Variants in MYO18B observed in about 807,000 individuals in gnomAD.
The protein encoded by MYO18B is myosin XVIIIB.
A neutral mutation model predicts 273.0 loss-of-function variants in MYO18B; 204 were observed. The observed-to-expected ratio is 0.75, with a 90% CI of 0.67 to 0.84. MYO18B has a LOEUF of 0.84. Among genes scored for constraint, MYO18B ranks in the 40% least tolerant of loss-of-function variants. The pLI is 0.00. For missense variants in MYO18B, 3,212 were observed against 3,287.6 expected (o/e 0.98, Z 0.56); for synonymous variants, 1,330 against 1,305.7 (o/e 1.02, Z -0.40).
intron 42 of MYO18B, among the ~76,000 whole-genome samples, chr22:26,019,601 T>C (rs1569300801): frequency 6.6e-6 from 1 of 152,232 alleles, no homozygotes; most frequent in Non-Finnish European, 1.5e-5. Context: ...AGACTCTCTG[T>C]TGTTATTTTG....
the MYO18B span, among the ~76,000 whole-genome samples, chr22:26,062,812 G>A: frequency 1.1e-4 from 16 of 152,118 alleles, no homozygotes; most frequent in African/African-American, 3.4e-4. Flanking sequence ...CCCTGTGCTT[G>A]GTATTCTGTC....
At chr22:25,905,491 A>T (rs2092024678) in intron 31 of MYO18B, among the ~76,000 whole-genome samples, 1 of 152,176 alleles carries the variant, frequency 6.6e-6, no homozygotes, top group African/African-American at 2.4e-5. Flanking sequence ...TCTGGTCGTG[A>T]CAGCAGGGTT....
At chr22:26,042,925 G>A in the MYO18B span, among the ~76,000 whole-genome samples, 3 of 152,266 alleles carry the variant, frequency 2.0e-5, no homozygotes, top group South Asian at 6.2e-4. Flanking sequence ...TAATTTTTTT[G>A]TTGAGATCTA....
At chr22:26,057,587 C>T in the MYO18B span, among the ~76,000 whole-genome samples, 45 of 151,384 alleles carry the variant, frequency 3.0e-4, no homozygotes, top group Non-Finnish European at 5.2e-4. Context: ...TATTCTTAAC[C>T]ATGCTACAGT....
intron 42 of MYO18B, 69 bp downstream of exon 42, chr22:26,004,924 G>T: frequency 6.3e-7 from 1 of 1,584,614 alleles, no homozygotes; most frequent in Non-Finnish European, 8.6e-7. Context: ...GAAAGTTGTT[G>T]TTCAAGTCTT....
chr22:25,826,487 C>T lies in MYO18B; in HGVS notation c.2774C>T (p.Ser925Leu), dbSNP rs9624909. The change falls in exon 14 of 44, where the codon TCA (serine) becomes TTA (leucine). Residue 925 changes from serine to leucine, a missense_variant. Ser to Leu is a moderately radical substitution (Grantham distance 145, BLOSUM62 -2). Transcript: ENST00000335473. ...LYQELFAAVVSLINRSFSSHH... is the reference protein window; with the variant it reads ...LYQELFAAVVLLINRSFSSHH... ...CAGGAACTCTTTGCGGCTGTGGTCT[C>T]ACTCATCAACAGGTAACGGGGCCTT... The T allele has an allele frequency of 0.21, 341,738 of 1,612,254 alleles. 38,668 individuals carry two copies. Among genetic ancestry groups the T allele is most frequent in the Non-Finnish European group, 0.23 (269,568 of 1,178,686 alleles).
At chr22:25,805,022 C>T (rs1008769568) in intron 12 of MYO18B, among the ~76,000 whole-genome samples, 1 of 152,126 alleles carries the variant, frequency 6.6e-6, no homozygotes. Context: ...TCTCTCAGCT[C>T]CTCTGGTGTC....
In MYO18B at chr22:25,777,040, G is replaced by A. The variant is rs75040939; in HGVS notation, c.1870-543G>A. On this transcript the variant is annotated intron_variant, in intron 7 of 43. Transcript: ENST00000335473. ...ATCCATTTTGTGTTATGCTGTGCCCGAGTGCCTGCTGCATAGTAGACACTC... is the reference window on the plus strand; with the variant it reads ...ATCCATTTTGTGTTATGCTGTGCCCAAGTGCCTGCTGCATAGTAGACACTC... 8.0e-3 allele frequency among the ~76,000 whole-genome samples: 1,215 copies of A among 152,226 alleles called. 19 individuals carry two copies. Among genetic ancestry groups the A allele is most frequent in the African/African-American group, 0.028 (1,162 of 41,524 alleles).
At chr22:25,776,460 T>C (rs1042166633) in intron 7 of MYO18B, among the ~76,000 whole-genome samples, 1 of 152,140 alleles carries the variant, frequency 6.6e-6, no homozygotes, top group African/African-American at 2.4e-5. Flanking sequence ...TAGCCAGGCA[T>C]GGTGGTGCAC....
intron 12 of MYO18B, among the ~76,000 whole-genome samples, chr22:25,809,990 A>G (rs1437383252): frequency 2.2e-5 from 3 of 136,944 alleles, no homozygotes; most frequent in Non-Finnish European, 4.7e-5. Flanking sequence ...CCAGAAGAAT[A>G]GAAAGTTTAA....
chr22:25,955,353 T>G lies in MYO18B; in HGVS notation c.6145T>G (p.Cys2049Gly), dbSNP rs754052138. The change falls in exon 39 of 44, where the codon TGC (cysteine) becomes GGC (glycine). Residue 2049 changes from cysteine (C) to glycine (G), a missense_variant. Physicochemically the swap from Cys to Gly is radical, Grantham distance 159 (BLOSUM62 -3). Coordinates refer to ENST00000335473, the MANE Select transcript of MYO18B (RefSeq NM_032608.7). ...GCGGGAGGCAGAGGCCAGCCGGCGG[T>G]GCATGGAGCTGGTGAGTCCTGTCCC... ...VQREAEASRR[C>G]MELEKYVEEL... The G allele has an allele frequency of 5.6e-6, 9 of 1,612,808 alleles. No homozygotes were observed. The South Asian group carries it at 7.7e-5, about 14-fold the overall frequency.
In MYO18B at chr22:25,876,499, C is replaced by G. The variant is rs540701287; in HGVS notation, c.4224+167C>G. On this transcript the variant is annotated intron_variant, in intron 24 of 43. Coordinates refer to ENST00000335473, the MANE Select transcript of MYO18B (RefSeq NM_032608.7). ...AGATGTTCCTCTGCCTCCAACAACA[C>G]AGACAATCCTCCATCCCATGCCCAG... Among the ~76,000 whole-genome samples the G allele has an allele frequency of 2.4e-3, 367 of 152,296 alleles. 1 individual carries two copies. The highest frequency in any genetic ancestry group is 8.6e-3 in the African/African-American group (356 of 41,562).
intron 32 of MYO18B, among the ~76,000 whole-genome samples, chr22:25,910,047 A>G (rs1265978243): frequency 6.6e-6 from 1 of 152,196 alleles, no homozygotes; most frequent in Non-Finnish European, 1.5e-5. Context: ...GCACAGCCAC[A>G]GTAGGGTGTT....
chr22:25,984,390 T>TC lies in MYO18B; in HGVS notation c.6157-7973_6157-7972insC, dbSNP rs542070868. Among the ~76,000 whole-genome samples the TC allele has an allele frequency of 1.3e-4, 20 of 152,316 alleles. 1 individual carries two copies. Among genetic ancestry groups the TC allele is most frequent in the Admixed American group, 1.2e-3 (18 of 15,296 alleles). On this transcript the variant is annotated intron_variant, in intron 39 of 43. Transcript: ENST00000335473. Reference sequence around the variant, plus strand: ...TTCAGCTTCACTCGGATCCACACAATACTCACCAATCTTTAAGGAGAAATA... The same window carrying TC: ...TTCAGCTTCACTCGGATCCACACAATCACTCACCAATCTTTAAGGAGAAATA...
At position 25,902,606 on chromosome 22, in the gene MYO18B, T is replaced by C. The variant is rs748156171; in HGVS notation, c.4824-7T>C. ...CGGGGCCCTGACACGTGCTCTGCTT[T>C]GCACAGGTTTGACCTGCAGCTGGCC... On this transcript the variant is annotated splice_polypyrimidine_tract_variant and splice_region_variant and intron_variant, in intron 29 of 43. Transcript: ENST00000335473. 33 of 1,606,210 alleles carry C rather than the reference T, an allele frequency of 2.1e-5. No homozygotes were observed. The Admixed American group carries it at 4.9e-4, about 24-fold the overall frequency.
chr22:26,004,472 G>A (rs1422390601), intron 41 of MYO18B, among the ~76,000 whole-genome samples: 1 of 152,176 alleles, frequency 6.6e-6, no homozygotes, highest in African/African-American at 2.4e-5. Context: ...AACAGGGTTT[G>A]CATCCCAATT....
chr22:25,931,174 T>C (rs2092494386), intron 34 of MYO18B, among the ~76,000 whole-genome samples: 1 of 152,222 alleles, frequency 6.6e-6, no homozygotes, highest in Non-Finnish European at 1.5e-5. Flanking sequence ...ATTTATTCAA[T>C]GTTAACATAA....
At chr22:25,868,274 C>A in intron 21 of MYO18B, 46 bp from the exon 22 acceptor site, 1 of 1,516,896 alleles carries the variant, frequency 6.6e-7, no homozygotes, top group East Asian at 2.4e-5. Context: ...CTTTAGGATC[C>A]TCCTACCTTC....
intron 34 of MYO18B, among the ~76,000 whole-genome samples, chr22:25,937,092 T>TG (rs961403888): frequency 6.6e-5 from 10 of 152,030 alleles, no homozygotes; most frequent in African/African-American, 1.9e-4. Flanking sequence ...GAAGATTTTT[T>TG]TTTTTGAGAC....
Sources: gnomAD v4.1 joint callset for allele counts (sites outside exome capture counted in the v4.1 genomes callset) on GRCh38, gnomAD v4.1.1 for gene constraint, MANE v1.5 for transcripts, NCBI Gene and HGNC (gene_info 2026-07-23, HGNC 2026-07-21) for gene names.